The following FRMPD4 variants were observed in gnomAD, a reference collection of about 807,000 sequenced individuals.
FRMPD4 encodes FERM and PDZ domain containing 4, also known as FERM and PDZ domain-containing protein 4.
In FRMPD4, 22 loss-of-function variants were observed where a neutral mutation model predicts 94.1. The ratio of observed to expected loss-of-function variants is 0.23; its 90% confidence interval spans 0.17 to 0.33. FRMPD4 has a LOEUF of 0.33. Among genes scored for constraint, FRMPD4 ranks in the 10% least tolerant of loss-of-function variants. FRMPD4 has a pLI of 1.00. For synonymous variants in FRMPD4, 631 were observed against 548.6 expected, an observed-to-expected ratio of 1.15 and a Z score of -2.10; for missense variants, 1,111 against 1,339.9, an observed-to-expected ratio of 0.83 and a Z score of 2.67.
intron 1 of FRMPD4, among the ~76,000 whole-genome samples, chrX:11,856,024 C>G (rs2053651514): frequency 8.9e-6 from 1 of 112,106 alleles, no homozygotes; most frequent in Non-Finnish European, 1.9e-5. Context: ...CAATTCCACA[C>G]AGCTGGGAAG....
At chrX:12,069,436 G>A (rs1526793) in intron 3 of FRMPD4, among the ~76,000 whole-genome samples, 4,130 of 111,548 alleles carry the variant, frequency 0.037, 195 homozygotes, top group African/African-American at 0.13. Flanking sequence ...GGGAGTCCAG[G>A]CAACTTGTGA....
At chrX:12,122,414 C>T (rs1441367029) in intron 3 of FRMPD4, among the ~76,000 whole-genome samples, 1 of 111,570 alleles carries the variant, frequency 9.0e-6, no homozygotes, top group Non-Finnish European at 1.9e-5. Context: ...GGAGTGGTCT[C>T]TGTATAGATG....
chrX:12,536,308 C>T (rs1308192723), intron 2 of FRMPD4, among the ~76,000 whole-genome samples: 1 of 106,764 alleles, frequency 9.4e-6, no homozygotes. Context: ...TCCAGGCAGC[C>T]ATGGTAAAAA....
intron 1 of FRMPD4, among the ~76,000 whole-genome samples, chrX:12,164,828 T>G (rs1485839591): frequency 4.4e-5 from 5 of 112,916 alleles, no homozygotes; most frequent in African/African-American, 1.6e-4. Context: ...CATGTGTTTT[T>G]TGGCTGCATA....
chrX:11,891,038 G>A (rs1601824520), intron 3 of FRMPD4, among the ~76,000 whole-genome samples: 1 of 112,694 alleles, frequency 8.9e-6, no homozygotes. Flanking sequence ...CTGCCTCTTG[G>A]GGTGTCTCCA....
chrX:11,948,101 A>G (rs1476995497), intron 3 of FRMPD4, among the ~76,000 whole-genome samples: 2 of 109,102 alleles, frequency 1.8e-5, no homozygotes, highest in African/African-American at 6.7e-5. Flanking sequence ...AAAAAAAAAA[A>G]AAAAAAAAAG....
At chrX:12,392,116 C>G (rs1016031974) in intron 1 of FRMPD4, among the ~76,000 whole-genome samples, 18 of 109,328 alleles carry the variant, frequency 1.6e-4, no homozygotes, top group African/African-American at 6.0e-4. Flanking sequence ...TCACTGCAAC[C>G]TCTGCCCCCA....
At chrX:12,540,121 G>A (rs1462004189) in intron 2 of FRMPD4, among the ~76,000 whole-genome samples, 2 of 112,248 alleles carry the variant, frequency 1.8e-5, no homozygotes, top group Non-Finnish European at 3.8e-5. Flanking sequence ...ACCAGTACAA[G>A]CCACTGCAAA....
chrX:11,978,708 C>T (rs773178786), intron 3 of FRMPD4, among the ~76,000 whole-genome samples: 1 of 111,765 alleles, frequency 8.9e-6, no homozygotes, highest in South Asian at 3.7e-4. Flanking sequence ...ACAAATCATG[C>T]CCGACAATAC....
rs201046988 is a variant in FRMPD4 at position 11,862,840 on chromosome X, GATAA to G, written c.-160-2233_-160-2230del. Among the ~76,000 whole-genome samples the G allele has an allele frequency of 9.6e-3, 1,055 of 110,308 alleles. 4 individuals carry two copies. The highest frequency in any genetic ancestry group is 0.016 in the Non-Finnish European group (819 of 52,768). On this transcript the variant is annotated intron_variant, in intron 1 of 18. Transcript: ENST00000640291. ...ACACAGGCATTTTTGCTAATAAATA[GATAA>G]ATAAATAAATAATCTACATTTGATC...
chrX:12,588,508 G>A (rs2058953384), intron 2 of FRMPD4, among the ~76,000 whole-genome samples: 1 of 112,449 alleles, frequency 8.9e-6, no homozygotes, highest in Non-Finnish European at 1.9e-5. Context: ...GTGACATTAT[G>A]ACAAGAATCT....
intron 2 of FRMPD4, among the ~76,000 whole-genome samples, chrX:12,506,554 TG>T (rs1438467865): frequency 8.9e-6 from 1 of 112,394 alleles, no homozygotes; most frequent in Non-Finnish European, 1.9e-5. Flanking sequence ...CCCAAAATGC[TG>T]GGATTACAGG....
chrX:12,351,707 A>G (rs2055816279), intron 1 of FRMPD4, among the ~76,000 whole-genome samples: 2 of 112,375 alleles, frequency 1.8e-5, no homozygotes, highest in African/African-American at 6.5e-5. Context: ...TTCAAACATC[A>G]CAGATTAGTG....
At chrX:12,236,859 G>A (rs2057076418) in intron 1 of FRMPD4, among the ~76,000 whole-genome samples, 1 of 111,952 alleles carries the variant, frequency 8.9e-6, no homozygotes, top group African/African-American at 3.2e-5. Flanking sequence ...TATTTAATCA[G>A]AGGTGATTTT....
At chrX:12,133,521 C>T (rs1463087857), upstream of FRMPD4, among the ~76,000 whole-genome samples, 7 of 111,581 alleles carry the variant, frequency 6.3e-5, no homozygotes, top group Non-Finnish European at 1.3e-4. Context: ...ACCTCCTGGG[C>T]TCAAGTGATC....
chrX:11,865,146 T>C (rs939974496), exon 2 of FRMPD4, among the ~76,000 whole-genome samples: 9 of 111,797 alleles, frequency 8.1e-5, no homozygotes, highest in Admixed American at 1.9e-4. Context: ...ATGTATCCCA[T>C]AGAGTGGAAA....
At position 12,463,697 on chromosome X, in the gene FRMPD4, TG is replaced by T. The variant is rs201480035; in HGVS notation, c.42-34982del. ...TATGTGTGTGTTTTTTTTTTGTTTT[TG>T]TTTTTTTTTTTTAACAGAGCATGAA... On this transcript the variant is annotated intron_variant, in intron 1 of 16. Transcript: ENST00000675598. Among the ~76,000 whole-genome samples, 142 of 94,955 alleles carry T rather than the reference TG, an allele frequency of 1.5e-3. 2 individuals carry two copies. The highest frequency in any genetic ancestry group is 5.0e-3 in the African/African-American group (126 of 25,315). 82.5% of individuals were successfully genotyped at this position (94,955 alleles called of 115,157 possible). A position where few individuals can be genotyped will look rare whatever the true frequency, so the allele number is the denominator to read the frequency against.
chrX:12,185,224 G>C (rs780032095), intron 1 of FRMPD4, among the ~76,000 whole-genome samples: 12 of 111,556 alleles, frequency 1.1e-4, no homozygotes, highest in Admixed American at 1.9e-4. Context: ...CCAAATATAC[G>C]TGAAGAAAAA....
chrX:12,450,115 G>A (rs1331628066), intron 1 of FRMPD4, among the ~76,000 whole-genome samples: 1 of 110,539 alleles, frequency 9.0e-6, no homozygotes, highest in Non-Finnish European at 1.9e-5. Flanking sequence ...TTATTTAAAA[G>A]CCAAAGGAAT....
Sources: gnomAD v4.1 joint callset for allele counts (sites outside exome capture counted in the v4.1 genomes callset) on GRCh38, gnomAD v4.1.1 for gene constraint, MANE v1.5 for transcripts, NCBI Gene and HGNC (gene_info 2026-07-23, HGNC 2026-07-21) for gene names.